USP34: variants seen among roughly 807,000 people sequenced by gnomAD.
USP34 encodes ubiquitin specific peptidase 34.
Under a neutral mutation model 460.3 loss-of-function variants are expected in USP34, and 70 were observed. That is an observed-to-expected ratio of 0.15 (90% CI 0.13 to 0.19). The LOEUF (loss-of-function observed/expected upper bound fraction) is 0.19, where lower values mean the gene tolerates loss of function less well. Ranked by LOEUF, USP34 falls within the 10% of genes least tolerant of loss-of-function variation. The probability of loss-of-function intolerance (pLI) is 1.00; values close to 1 mark genes in which losing one functional copy is unlikely to be tolerated. For missense variants in USP34, 3,985 were observed against 4,236.2 expected (o/e 0.94, Z 1.65); for synonymous variants, 1,647 against 1,405.3 (o/e 1.17, Z -3.85).
chr2:61,322,905 A>G (rs925770405), intron 21 of USP34, among the ~76,000 whole-genome samples: 1 of 152,226 alleles, frequency 6.6e-6, no homozygotes, highest in African/African-American at 2.4e-5. Context: ...AAAAAAACAG[A>G]AGTATATCCA....
intron 21 of USP34, among the ~76,000 whole-genome samples, chr2:61,320,178 T>A (rs1690872736): frequency 2.0e-5 from 3 of 152,244 alleles, no homozygotes. Flanking sequence ...TGTTACAATT[T>A]GTATTCATTC....
At chr2:61,422,657 T>C (rs1694396155) in intron 1 of USP34, among the ~76,000 whole-genome samples, 1 of 152,108 alleles carries the variant, frequency 6.6e-6, no homozygotes, top group African/African-American at 2.4e-5. Flanking sequence ...TGGAAAGAAA[T>C]CAAGTCACTT....
intron 75 of USP34, among the ~76,000 whole-genome samples, chr2:61,197,284 T>C (rs564948423): frequency 1.3e-4 from 19 of 151,980 alleles, no homozygotes; most frequent in African/African-American, 4.3e-4. Flanking sequence ...ACAACAACAA[T>C]TAAAGAAGGA....
At position 61,204,345 on chromosome 2, in the gene USP34, T is replaced by A; in HGVS notation, c.9295A>T (p.Ile3099Phe). ...TTGCTTTTCCCTCCTATTAGCTTGA[T>A]ATTTTCTCGACAAGGGAAATAAGGT... is the stretch of plus-strand genomic sequence containing the variant. ...LGPYFPCREN[I>F]KLIGGKSNIR... Residue 3099 changes from isoleucine to phenylalanine, a missense_variant, in exon 74 of 80, where the codon ATC (isoleucine) becomes TTC (phenylalanine). Transcript: ENST00000398571. 1 of 1,614,218 alleles carries A rather than the reference T, an allele frequency of 6.2e-7. No individual in the cohort carries two copies. The highest frequency in any genetic ancestry group is 8.5e-7 in the Non-Finnish European group (1 of 1,180,036).
chr2:61,371,279 T>C (rs377691102), intron 8 of USP34, among the ~76,000 whole-genome samples: 168 of 152,282 alleles, frequency 1.1e-3, no homozygotes, highest in African/African-American at 3.9e-3. Context: ...GCCAGTCATA[T>C]AAAAGTATAG....
chr2:61,299,734 A>G (rs1040485151), intron 29 of USP34, among the ~76,000 whole-genome samples: 1 of 152,338 alleles, frequency 6.6e-6, no homozygotes, highest in Admixed American at 6.5e-5. Context: ...CCTGGGTGAC[A>G]CACTGAGACC....
chr2:61,226,938 G>C, intron 62 of USP34, 129 bp downstream of exon 62: 1 of 1,081,866 alleles, frequency 9.2e-7, no homozygotes, highest in Non-Finnish European at 1.3e-6. Flanking sequence ...TATAATAAAA[G>C]CTAGTGAATA....
Position 61,190,854 on chromosome 2 carries a change from T to C in USP34, c.9589-196A>G, listed in dbSNP as rs1196127183. The C allele has an allele frequency of 7.1e-6, 4 of 562,440 alleles. No individual in the cohort carries two copies. The African/African-American group carries it at 7.6e-5, about 11-fold the overall frequency. The allele number at this position is 562,440 out of a possible 1,614,324, so 34.8% of individuals were successfully genotyped here. A position where few individuals can be genotyped will look rare whatever the true frequency, so the allele number is the denominator to read the frequency against. Reference sequence around the variant, plus strand: ...CAACTATTTTTCATACAGTAAAATGTTACTAATTTAGATTAAGGGAGTGCT... The same window carrying C: ...CAACTATTTTTCATACAGTAAAATGCTACTAATTTAGATTAAGGGAGTGCT... On this transcript the variant is annotated intron_variant, in intron 76 of 79. Transcript: ENST00000398571.
chr2:61,469,453 A>T (rs188737926), intron 1 of USP34, among the ~76,000 whole-genome samples: 14 of 152,346 alleles, frequency 9.2e-5, no homozygotes, highest in South Asian at 6.2e-4. Context: ...ATTTAGGGTG[A>T]CACAAATACT....
chr2:61,252,562 C>T (rs767598338), intron 48 of USP34, among the ~76,000 whole-genome samples: 3 of 151,942 alleles, frequency 2.0e-5, no homozygotes, highest in Admixed American at 6.5e-5. Flanking sequence ...AAATATCAAA[C>T]GAGAATTTAT....
At chr2:61,261,277 A>T (rs571286484) in intron 43 of USP34, among the ~76,000 whole-genome samples, 17 of 152,384 alleles carry the variant, frequency 1.1e-4, no homozygotes, top group Non-Finnish European at 2.4e-4. Flanking sequence ...GATAAGTGAA[A>T]GAATAAATAA....
chr2:61,444,145 C>G (rs1034856522), intron 1 of USP34, among the ~76,000 whole-genome samples: 2 of 152,082 alleles, frequency 1.3e-5, no homozygotes, highest in Non-Finnish European at 2.9e-5. Context: ...GTCCCAGCTA[C>G]TCAGGAGGCT....
Position 61,208,913 on chromosome 2 carries a change from T to A in USP34, c.8905A>T (p.Ile2969Phe), listed in dbSNP as rs1265029609. ...AGAATATTTACCTCTGTCATTAGAA[T>A]CAATCCTCGATTAAATACAACAAGA... ...RLLVVFNRGL[I>F]LMTESFNTLH... Residue 2969 changes from isoleucine to phenylalanine, a missense_variant, in exon 70 of 80, where the codon ATT (isoleucine) becomes TTT (phenylalanine). Transcript: ENST00000398571. 2 of 1,594,302 alleles carry A rather than the reference T, an allele frequency of 1.3e-6. No homozygotes were observed. Among genetic ancestry groups the A allele is most frequent in the East Asian group, 2.3e-5 (1 of 44,234 alleles).
At chr2:61,443,853 G>T (rs1165947378) in intron 1 of USP34, among the ~76,000 whole-genome samples, 3 of 152,176 alleles carry the variant, frequency 2.0e-5, no homozygotes, top group African/African-American at 7.2e-5. Context: ...TGTAACAAAT[G>T]TACCACTCAC....
At chr2:61,259,876 T>C (rs1688826772) in intron 43 of USP34, 100 bp from the exon 44 acceptor site, 4 of 1,046,690 alleles carry the variant, frequency 3.8e-6, no homozygotes, top group Non-Finnish European at 5.5e-6. Context: ...GTATCTGTTT[T>C]CATTCTTTTG....
chr2:61,350,790 G>A (rs1691921304), intron 10 of USP34, 97 bp from the exon 11 acceptor site: 3 of 1,283,448 alleles, frequency 2.3e-6, no homozygotes, highest in African/African-American at 1.5e-5. Flanking sequence ...AAGTTGGCCA[G>A]TACACTAATA....
Position 61,190,334 on chromosome 2 carries a change from C to T in USP34, c.9810G>A (p.Gln3270=). The change falls in exon 78 of 80, where the codon CAG becomes CAA. Residue 3270 remains glutamine (Q), a synonymous_variant. Coordinates refer to ENST00000398571, the MANE Select transcript of USP34 (RefSeq NM_014709.4). ...TLITNLISQY[Q]NLQSDFSNRV... is the part of the protein sequence containing the mutation. ...GGTTGGAGAAATCAGACTGTAGGTTCTGATACTGGCTTATCAAGTTTGTAA... is the reference window on the plus strand; with the variant it reads ...GGTTGGAGAAATCAGACTGTAGGTTTTGATACTGGCTTATCAAGTTTGTAA... The T allele has an allele frequency of 6.2e-7, 1 of 1,613,790 alleles. No homozygotes were observed. The highest frequency in any genetic ancestry group is 8.5e-7 in the Non-Finnish European group (1 of 1,179,936).
intron 2 of USP34, chr2:61,417,121 A>T (rs916128477): frequency 3.2e-6 from 5 of 1,558,802 alleles, no homozygotes; most frequent in Admixed American, 1.7e-5. Context: ...ATGGATGGAC[A>T]TAACTTGGCC....
chr2:61,275,144 T>G (rs1312598429), intron 41 of USP34, among the ~76,000 whole-genome samples: 1 of 151,918 alleles, frequency 6.6e-6, no homozygotes, highest in East Asian at 1.9e-4. Flanking sequence ...CCGGGTATGG[T>G]GATGCCTGCC....
Sources: allele counts gnomAD v4.1 joint callset (sites outside exome capture counted in the v4.1 genomes callset), GRCh38; gene constraint gnomAD v4.1.1; transcripts MANE v1.5; gene names NCBI Gene and HGNC (gene_info 2026-07-23, HGNC 2026-07-21).